GALNT10: variants seen among roughly 807,000 people sequenced by gnomAD.
GALNT10 encodes GalNAc transferase 10.
Under a neutral mutation model 75.0 loss-of-function variants are expected in GALNT10, and 41 were observed. That is an observed-to-expected ratio of 0.55 (90% confidence interval 0.43 to 0.71). GALNT10 has a LOEUF of 0.71. GALNT10 is among the 30% of genes least tolerant of loss of function. GALNT10 has a pLI of 0.00. For synonymous variants in GALNT10, 302 were observed against 313.0 expected, an observed-to-expected ratio of 0.96 and a Z score of 0.37; for missense variants, 727 against 818.5, an observed-to-expected ratio of 0.89 and a Z score of 1.36.
At chr5:154,346,307 G>A (rs1400179557) in intron 4 of GALNT10, among the ~76,000 whole-genome samples, 2 of 152,000 alleles carry the variant, frequency 1.3e-5, no homozygotes, top group Admixed American at 6.5e-5. Flanking sequence ...ATTCTCTTTG[G>A]ATATATATCC....
At chr5:154,215,407 G>A (rs1446964359) in intron 1 of GALNT10, among the ~76,000 whole-genome samples, 1 of 152,134 alleles carries the variant, frequency 6.6e-6, no homozygotes, top group Non-Finnish European at 1.5e-5. Flanking sequence ...GCGTGAACCC[G>A]GGAGGTGGAG....
chr5:154,354,730 C>T (rs1755261848), intron 4 of GALNT10, among the ~76,000 whole-genome samples: 1 of 152,142 alleles, frequency 6.6e-6, no homozygotes, highest in Admixed American at 6.5e-5. Context: ...AGAAGGCACA[C>T]ATCTTTGTGT....
chr5:154,410,770 G>A (rs1350805771), intron 9 of GALNT10, among the ~76,000 whole-genome samples: 1 of 152,180 alleles, frequency 6.6e-6, no homozygotes, highest in Admixed American at 6.5e-5. Context: ...TTTATTCAGT[G>A]TCTTCGCACA....
chr5:154,365,414 A>G (rs1755460657), intron 4 of GALNT10, among the ~76,000 whole-genome samples: 1 of 152,168 alleles, frequency 6.6e-6, no homozygotes. Flanking sequence ...GGCCAGAGAA[A>G]TAAACTTAAC....
chr5:154,290,655 GCAGGTAGTGCTGTCTCCATTTTC>G (rs1754183154), intron 1 of GALNT10, among the ~76,000 whole-genome samples: 1 of 152,144 alleles, frequency 6.6e-6, no homozygotes, highest in Non-Finnish European at 1.5e-5. Flanking sequence ...GTACCTTTGG[GCAGGTAGTGCTGTCTCCATTTTC>G]CAGGTGGGAA....
In GALNT10 at chr5:154,312,261, A is replaced by G. The variant is rs562933078; in HGVS notation, c.401+14182A>G. Reference sequence around the variant, plus strand: ...GACAAGCAGAACAGCTTAGCTTAGGAGCACTGTTACATAGAAGAGAACATA... The same window carrying G: ...GACAAGCAGAACAGCTTAGCTTAGGGGCACTGTTACATAGAAGAGAACATA... On this transcript the variant is annotated intron_variant, in intron 3 of 11. Coordinates refer to ENST00000297107, the MANE Select transcript of GALNT10 (RefSeq NM_198321.4). Among the ~76,000 whole-genome samples, 9 of 152,254 alleles carry G rather than the reference A, an allele frequency of 5.9e-5. No homozygotes were observed. The South Asian group carries it at 1.9e-3, about 32-fold the overall frequency.
chr5:154,393,068 A>AAAAAC (rs1755940315), intron 7 of GALNT10: 1 of 97,066 alleles, frequency 1.0e-5, no homozygotes, highest in Admixed American at 9.7e-5. Context: ...AAAAAAAAAA[A>AAAAAC]AAAAAAAAAA....
intron 8 of GALNT10, among the ~76,000 whole-genome samples, chr5:154,408,140 C>T (rs1248576187): frequency 6.6e-6 from 1 of 152,192 alleles, no homozygotes; most frequent in South Asian, 2.1e-4. Context: ...GTGTCTATGG[C>T]TGCTTTATAG....
intron 1 of GALNT10, among the ~76,000 whole-genome samples, chr5:154,228,437 G>A (rs762198695): frequency 5.3e-5 from 8 of 152,142 alleles, no homozygotes; most frequent in Non-Finnish European, 7.3e-5. Context: ...GGGATCCTTC[G>A]AGGGCTAGGT....
rs544971169 is a variant in GALNT10, at chr5:154,297,724, A to G, written c.263-217A>G. 2.0e-5 allele frequency among the ~76,000 whole-genome samples: 3 copies of G among 152,342 alleles called. No individual in the cohort carries two copies. In the East Asian group the frequency reaches 5.8e-4, roughly 29 times the overall value. On this transcript the variant is annotated intron_variant, in intron 2 of 11. Transcript: ENST00000297107. ...ATGAGAGGTCTCATGTCCACCCCGC[A>G]GAGCTGCTGTGATTACATGAGAACA...
chr5:154,366,405 G>A (rs796066826), intron 4 of GALNT10, among the ~76,000 whole-genome samples: 1 of 152,046 alleles, frequency 6.6e-6, no homozygotes. Flanking sequence ...GAAAACCCCT[G>A]AATTTTCCTT....
intron 1 of GALNT10, among the ~76,000 whole-genome samples, chr5:154,215,126 G>A (rs1398663219): frequency 6.6e-6 from 1 of 152,218 alleles, no homozygotes; most frequent in African/African-American, 2.4e-5. Flanking sequence ...GGAAGGGAAC[G>A]TTAGGAATCA....
intron 3 of GALNT10, among the ~76,000 whole-genome samples, chr5:154,299,948 T>C (rs1221572110): frequency 6.6e-6 from 1 of 150,952 alleles, no homozygotes; most frequent in Non-Finnish European, 1.5e-5. Flanking sequence ...AATCCTCCCA[T>C]CTCAGCCTCC....
intron 1 of GALNT10, among the ~76,000 whole-genome samples, chr5:154,267,162 TTAAAA>T (rs1302119588): frequency 3.3e-5 from 5 of 152,212 alleles, no homozygotes; most frequent in African/African-American, 7.2e-5. Context: ...TAAAATAAAG[TTAAAA>T]TAAAACATCC....
At chr5:154,238,102 G>C (rs1753275242) in intron 1 of GALNT10, among the ~76,000 whole-genome samples, 1 of 152,160 alleles carries the variant, frequency 6.6e-6, no homozygotes, top group African/African-American at 2.4e-5. Context: ...GTGCCCTTGA[G>C]GCATTTGGGG....
intron 1 of GALNT10, among the ~76,000 whole-genome samples, chr5:154,257,124 T>TAAATGAAA (rs1213361148): frequency 6.6e-6 from 1 of 151,930 alleles, no homozygotes. Context: ...AAATAAAAAA[T>TAAATGAAA]AAATGAAAAT....
chr5:154,214,063 T>G (rs975163326), intron 1 of GALNT10, among the ~76,000 whole-genome samples: 1 of 152,250 alleles, frequency 6.6e-6, no homozygotes, highest in Non-Finnish European at 1.5e-5. Flanking sequence ...TCCTTCCAGT[T>G]ATTTGAGAAA....
At chr5:154,357,491 C>T (rs1190596474) in intron 4 of GALNT10, among the ~76,000 whole-genome samples, 3 of 152,126 alleles carry the variant, frequency 2.0e-5, no homozygotes, top group African/African-American at 4.8e-5. Context: ...AATTACTCCT[C>T]CTTTGCTCTA....
At chr5:154,371,951 C>T (rs111850644) in intron 4 of GALNT10, among the ~76,000 whole-genome samples, 3 of 152,256 alleles carry the variant, frequency 2.0e-5, no homozygotes, top group African/African-American at 7.2e-5. Context: ...GTACAGACTC[C>T]ATTCGCTTCC....
Sources: allele counts gnomAD v4.1 joint callset (sites outside exome capture counted in the v4.1 genomes callset), GRCh38; gene constraint gnomAD v4.1.1; transcripts MANE v1.5; gene names NCBI Gene and HGNC (gene_info 2026-07-23, HGNC 2026-07-21).